Variants in KIF26B observed in about 807,000 individuals in gnomAD.
KIF26B encodes kinesin-like protein KIF26B.
Under a neutral mutation model 151.2 loss-of-function variants are expected in KIF26B, and 63 were observed. The ratio of observed to expected loss-of-function variants is 0.42; its 90% confidence interval spans 0.34 to 0.51. The LOEUF (loss-of-function observed/expected upper bound fraction) is 0.51, where lower values mean the gene tolerates loss of function less well. KIF26B is among the 20% of genes least tolerant of loss of function. The pLI is 0.07. For synonymous variants in KIF26B, 1,357 were observed against 1,262.1 expected (o/e 1.08, Z -1.59); for missense variants, 2,813 against 2,913.6 (o/e 0.97, Z 0.79).
At chr1:245,557,694 G>C (rs1176425526) in intron 5 of KIF26B, among the ~76,000 whole-genome samples, 1 of 152,138 alleles carries the variant, frequency 6.6e-6, no homozygotes, top group East Asian at 1.9e-4. Flanking sequence ...TCAAGAGATG[G>C]GTATCAGGTG....
chr1:245,211,421 G>A (rs1669525766), intron 2 of KIF26B, among the ~76,000 whole-genome samples: 1 of 152,164 alleles, frequency 6.6e-6, no homozygotes, highest in Non-Finnish European at 1.5e-5. Context: ...CAAACCCAAG[G>A]CAGGGTCTCA....
At chr1:245,663,445 C>T (rs546586331) in intron 10 of KIF26B, among the ~76,000 whole-genome samples, 5 of 151,756 alleles carry the variant, frequency 3.3e-5, no homozygotes, top group South Asian at 2.1e-4. Context: ...TGTTAATCAA[C>T]TTTTTGTTGT....
At chr1:245,450,858 A>G (rs1659373245) in intron 4 of KIF26B, among the ~76,000 whole-genome samples, 1 of 152,190 alleles carries the variant, frequency 6.6e-6, no homozygotes, top group Non-Finnish European at 1.5e-5. Context: ...AATTTTTAAG[A>G]TAGATATTTT....
intron 4 of KIF26B, among the ~76,000 whole-genome samples, chr1:245,437,857 A>T (rs1421601315): frequency 6.6e-6 from 1 of 152,172 alleles, no homozygotes; most frequent in East Asian, 1.9e-4. Context: ...GTGAAATCCA[A>T]TCAGTGATTC....
intron 2 of KIF26B, among the ~76,000 whole-genome samples, chr1:245,195,841 A>G (rs745854503): frequency 7.9e-5 from 12 of 152,234 alleles, no homozygotes; most frequent in Non-Finnish European, 1.6e-4. Context: ...TGGTCAAAGC[A>G]GGGTGTGCTC....
chr1:245,222,130 G>A (rs974981093), intron 2 of KIF26B, among the ~76,000 whole-genome samples: 98 of 152,172 alleles, frequency 6.4e-4, no homozygotes, highest in African/African-American at 2.3e-3. Flanking sequence ...TAGTGACGGG[G>A]GAAAGACCCT....
chr1:245,642,019 C>T (rs748831982), intron 9 of KIF26B, among the ~76,000 whole-genome samples: 5 of 152,188 alleles, frequency 3.3e-5, no homozygotes, highest in Admixed American at 1.3e-4. Context: ...ACAGTAATCT[C>T]AGCATTAGAG....
chr1:245,629,098 G>A (rs2043753544), intron 9 of KIF26B, among the ~76,000 whole-genome samples: 1 of 152,068 alleles, frequency 6.6e-6, no homozygotes, highest in Non-Finnish European at 1.5e-5. Flanking sequence ...AAATAAGAGA[G>A]GACACAAACA....
At chr1:245,266,589 C>A (rs1015720529) in intron 2 of KIF26B, among the ~76,000 whole-genome samples, 1 of 151,958 alleles carries the variant, frequency 6.6e-6, no homozygotes, top group African/African-American at 2.4e-5. Flanking sequence ...CTCACTGCAA[C>A]CTCCGCTTCC....
rs549779856 is a variant in KIF26B, at chr1:245,612,341, G to A, written c.2098+365G>A. Among the ~76,000 whole-genome samples, 244 of 151,944 alleles carry A rather than the reference G, an allele frequency of 1.6e-3. 1 individual carries two copies. The highest frequency in any genetic ancestry group is 1.5e-3 in the Non-Finnish European group (101 of 67,980). On this transcript the variant is annotated intron_variant, in intron 9 of 14. Transcript: ENST00000407071. Reference sequence around the variant, plus strand: ...TTGCCCAGGCTGGTCTAGAACTCCCGGTCTTGAGATCCTCTTGCCTTGATC... The same window carrying A: ...TTGCCCAGGCTGGTCTAGAACTCCCAGTCTTGAGATCCTCTTGCCTTGATC...
At chr1:245,546,735 T>G (rs919181867) in intron 5 of KIF26B, among the ~76,000 whole-genome samples, 1 of 152,244 alleles carries the variant, frequency 6.6e-6, no homozygotes, top group African/African-American at 2.4e-5. Context: ...TTCTCTTTTA[T>G]TTTGGTTCAC....
Position 245,706,479 on chromosome 1 carries a change from G to A in KIF26B, c.*3873G>A, listed in dbSNP as rs2044842974. ...TTTTTAGGTTTCTTATTCCAAAAAG[G>A]ATTTTAGACTGTAAAATGACTAAAG... On this transcript the variant is annotated 3_prime_UTR_variant, in exon 15 of 15. Coordinates refer to ENST00000407071, the MANE Select transcript of KIF26B (RefSeq NM_018012.4). The A allele has an allele frequency of 2.6e-5, 4 of 152,166 alleles. No homozygotes were observed. Among genetic ancestry groups the A allele is most frequent in the African/African-American group, 9.7e-5 (4 of 41,420 alleles). The allele number at this position is 152,166 out of a possible 1,614,324, so 9.4% of individuals were successfully genotyped here. A position where few individuals can be genotyped will look rare whatever the true frequency, so the allele number is the denominator to read the frequency against.
chr1:245,382,269 G>A (rs1673429205), intron 3 of KIF26B, among the ~76,000 whole-genome samples: 1 of 152,112 alleles, frequency 6.6e-6, no homozygotes, highest in Admixed American at 6.5e-5. Context: ...GGTGTGAGGT[G>A]GCATCTCATT....
intron 10 of KIF26B, among the ~76,000 whole-genome samples, chr1:245,664,318 C>T (rs2044189771): frequency 6.7e-6 from 1 of 149,494 alleles, no homozygotes; most frequent in Non-Finnish European, 1.5e-5. Context: ...GAGATCACGC[C>T]ATTGCACTCC....
rs1250006905 is a variant in KIF26B, at chr1:245,367,112, G to T, written c.744G>T (p.Val248=). ...AGCAGCCCAGAGACTGGGCCTTTGT[G>T]CCCGCCCCCTGTGCCACCTCCAACT... The part of the protein sequence containing the change: ...GLQQPRDWAF[V]PAPCATSNYT... The change falls in exon 3 of 15, where the codon GTG becomes GTT. Residue 248 remains valine, a synonymous_variant. Coordinates refer to ENST00000407071, the MANE Select transcript of KIF26B (RefSeq NM_018012.4). The surrounding 1 kb of genome is among the most constrained non-coding windows in gnomAD (Gnocchi z 4.2). 2 of 1,592,708 alleles carry T rather than the reference G, an allele frequency of 1.3e-6. No individual in the cohort carries two copies. Among genetic ancestry groups the T allele is most frequent in the African/African-American group, 2.7e-5 (2 of 73,606 alleles).
At chr1:245,476,665 A>G (rs1660049583) in intron 4 of KIF26B, among the ~76,000 whole-genome samples, 1 of 151,474 alleles carries the variant, frequency 6.6e-6, no homozygotes, top group African/African-American at 2.4e-5. Flanking sequence ...CCTCCCGAGT[A>G]GTTGAGACCA....
At chr1:245,670,621 C>A (rs1408854895) in intron 10 of KIF26B, among the ~76,000 whole-genome samples, 1 of 151,718 alleles carries the variant, frequency 6.6e-6, no homozygotes, top group Non-Finnish European at 1.5e-5. Flanking sequence ...GAGGTAGGAA[C>A]AACCCAATTG....
chr1:245,667,245 G>A lies in KIF26B; in HGVS notation c.2259-16988G>A, dbSNP rs780219678. ...GGCTGGAGTGCAGTGGCACGATCTC[G>A]GCTCACTGCAGCCTTAAGCTCCTGG... On this transcript the variant is annotated intron_variant, in intron 10 of 14. Coordinates refer to ENST00000407071, the MANE Select transcript of KIF26B (RefSeq NM_018012.4). This position sits in a 1 kb window ranked among gnomAD's most constrained non-coding sequence, Gnocchi z 4.3. Among the ~76,000 whole-genome samples, 3 of 152,062 alleles carry A rather than the reference G, an allele frequency of 2.0e-5. No individual in the cohort carries two copies. The highest frequency in any genetic ancestry group is 7.2e-5 in the African/African-American group (3 of 41,482).
In KIF26B at chr1:245,167,453, T is replaced by A. The variant is rs922185679; in HGVS notation, c.465+10770T>A. Among the ~76,000 whole-genome samples the A allele has an allele frequency of 1.3e-5, 2 of 151,990 alleles. No homozygotes were observed. The highest frequency in any genetic ancestry group is 4.8e-5 in the African/African-American group (2 of 41,354). ...TGAAACTCTATCATCGTATTTAGAG[T>A]GGTTGCTTTCTTTGGGGTTATAATC... is the stretch of plus-strand genomic sequence containing the variant. On this transcript the variant is annotated intron_variant, in intron 2 of 14. Coordinates refer to ENST00000407071, the MANE Select transcript of KIF26B (RefSeq NM_018012.4). This position sits in a 1 kb window ranked among gnomAD's most constrained non-coding sequence, Gnocchi z 4.2.
Sources: gnomAD v4.1 joint callset for allele counts (sites outside exome capture counted in the v4.1 genomes callset) on GRCh38, gnomAD v4.1.1 for gene constraint, Gnocchi (gnomAD v3.1) non-coding constraint, MANE v1.5 for transcripts, NCBI Gene and HGNC (gene_info 2026-07-23, HGNC 2026-07-21) for gene names.